The following SMYD3 variants were observed in gnomAD, a reference collection of about 807,000 sequenced individuals.
The protein encoded by SMYD3 is SET and MYND domain containing 3.
A neutral mutation model predicts 57.7 loss-of-function variants in SMYD3; 36 were observed. The ratio of observed to expected loss-of-function variants is 0.62; its 90% confidence interval spans 0.48 to 0.82. The LOEUF (loss-of-function observed/expected upper bound fraction) is 0.82. Among genes scored for constraint, SMYD3 ranks in the 40% least tolerant of loss-of-function variants. The pLI is 0.00. For missense variants in SMYD3, 515 were observed against 538.8 expected (o/e 0.96, Z 0.44); for synonymous variants, 211 against 195.0 (o/e 1.08, Z -0.68).
At chr1:246,427,649 A>C (rs1453303697) in intron 1 of SMYD3, among the ~76,000 whole-genome samples, 2 of 152,232 alleles carry the variant, frequency 1.3e-5, no homozygotes, top group African/African-American at 4.8e-5. Flanking sequence ...GGATCACTTG[A>C]GCCCAGGAGT....
intron 5 of SMYD3, among the ~76,000 whole-genome samples, chr1:245,971,715 A>T (rs1193207947): frequency 6.6e-6 from 1 of 152,090 alleles, no homozygotes; most frequent in East Asian, 1.9e-4. Flanking sequence ...CAGTCACTCA[A>T]TTCATGGTTG....
chr1:246,283,883 G>T (rs913519992), intron 5 of SMYD3, among the ~76,000 whole-genome samples: 1 of 152,032 alleles, frequency 6.6e-6, no homozygotes. Flanking sequence ...ACAACCTTCA[G>T]GTACACCATT....
At chr1:245,959,592 TAA>T (rs1224478987) in intron 5 of SMYD3, among the ~76,000 whole-genome samples, 6 of 152,230 alleles carry the variant, frequency 3.9e-5, no homozygotes, top group African/African-American at 1.4e-4. Context: ...CTTCCAGTGC[TAA>T]GAGAATTGCC....
intron 1 of SMYD3, among the ~76,000 whole-genome samples, chr1:246,373,146 T>C (rs2066217775): frequency 6.6e-6 from 1 of 152,222 alleles, no homozygotes; most frequent in Non-Finnish European, 1.5e-5. Flanking sequence ...TATTGATTTT[T>C]TTCTTTAAAT....
chr1:246,327,194 CACTT>C lies in SMYD3; in HGVS notation c.531+3_531+6del. 1 of 1,613,916 alleles carries C rather than the reference CACTT, an allele frequency of 6.2e-7. No homozygotes were observed. Among genetic ancestry groups the C allele is most frequent in the Non-Finnish European group, 8.5e-7 (1 of 1,179,980 alleles). On this transcript the variant is annotated splice_donor_5th_base_variant and intron_variant, in intron 5 of 11. Transcript: ENST00000490107. ...TGGAATTAGCAAAGAGCAAACTTAACACTTACTTTTGCAAAGGCTTCAAAAAGGT... is the reference window on the plus strand; with the variant it reads ...TGGAATTAGCAAAGAGCAAACTTAACACTTTTGCAAAGGCTTCAAAAAGGT...
At chr1:245,861,879 CTTCT>C (rs2051567919) in intron 9 of SMYD3, among the ~76,000 whole-genome samples, 1 of 36,594 alleles carries the variant, frequency 2.7e-5, no homozygotes, top group Non-Finnish European at 1.9e-4. Flanking sequence ...TGTCTTCTAA[CTTCT>C]GTCTGAACCA....
rs530945258 is a variant in SMYD3 at position 246,480,013 on chromosome 1, T to G, written c.164+27041A>C. Among the ~76,000 whole-genome samples, 14 of 152,358 alleles carry G rather than the reference T, an allele frequency of 9.2e-5. No homozygotes were observed. The East Asian group carries it at 2.3e-3, about 25-fold the overall frequency. ...GGTCAGAAACTACTCCCCCGACCCT[T>G]GTTTGGATTCAGCCTGTGTATTTTT... On this transcript the variant is annotated intron_variant, in intron 1 of 11. Coordinates refer to ENST00000490107, the MANE Select transcript of SMYD3 (RefSeq NM_001167740.2).
intron 5 of SMYD3, among the ~76,000 whole-genome samples, chr1:246,057,756 C>T (rs562819608): frequency 3.2e-4 from 49 of 152,122 alleles, no homozygotes; most frequent in Non-Finnish European, 6.5e-4. Context: ...TTGTTATTTA[C>T]CCAAAGGAGT....
At chr1:246,243,921 C>T (rs571428798) in intron 5 of SMYD3, among the ~76,000 whole-genome samples, 8 of 131,586 alleles carry the variant, frequency 6.1e-5, no homozygotes, top group African/African-American at 2.2e-4. Context: ...AAAAGCCAAC[C>T]AATCTTTGTT....
chr1:246,120,511 T>G lies in SMYD3; in HGVS notation c.532-190574A>C, dbSNP rs146653615. 1.8e-3 allele frequency among the ~76,000 whole-genome samples: 269 copies of G among 152,208 alleles called. 2 individuals carry two copies. Among genetic ancestry groups the G allele is most frequent in the African/African-American group, 6.2e-3 (256 of 41,552 alleles). ...TCTCCTCTTCAGTCTTTCTCCTCCT[T>G]CCACAGCATCCCATTCACAGTTTCT... On this transcript the variant is annotated intron_variant, in intron 5 of 11. Transcript: ENST00000490107.
intron 10 of SMYD3, among the ~76,000 whole-genome samples, chr1:245,857,193 G>A (rs147974105): frequency 1.1e-3 from 171 of 152,280 alleles, no homozygotes; most frequent in African/African-American, 3.8e-3. Context: ...CAGAAGTCCC[G>A]AAAACATGCT....
intron 5 of SMYD3, among the ~76,000 whole-genome samples, chr1:246,093,809 A>G (rs2060863796): frequency 6.6e-6 from 1 of 152,202 alleles, no homozygotes; most frequent in Non-Finnish European, 1.5e-5. Context: ...ATAAAATTTT[A>G]AAATGGTAAC....
chr1:246,288,062 C>CTTTTTT (rs67603439), intron 5 of SMYD3, among the ~76,000 whole-genome samples: 977 of 64,216 alleles, frequency 0.015, 103 homozygotes, highest in Non-Finnish European at 0.021. Flanking sequence ...TCAGGTAATT[C>CTTTTTT]TTTTTTTTTT....
chr1:246,123,571 A>AACACACACACACACACAC (rs557543331), intron 5 of SMYD3, among the ~76,000 whole-genome samples: 3 of 129,488 alleles, frequency 2.3e-5, no homozygotes, highest in Non-Finnish European at 3.3e-5. Flanking sequence ...TCCATCTCAA[A>AACACACACACACACACAC]ACACACACAC....
Position 246,215,280 on chromosome 1 carries a change from T to C in SMYD3, c.531+111921A>G, listed in dbSNP as rs1275161493. ...TTGTCATGGGGCAGGTGCAGGAAAA[T>C]ATAAAATATACATATTTAAAATCCT... On this transcript the variant is annotated intron_variant, in intron 5 of 11. Coordinates refer to ENST00000490107, the MANE Select transcript of SMYD3 (RefSeq NM_001167740.2). 2.0e-5 allele frequency among the ~76,000 whole-genome samples: 3 copies of C among 152,098 alleles called. No individual in the cohort carries two copies. In the East Asian group the frequency reaches 5.8e-4, roughly 29 times the overall value.
At chr1:245,909,110 G>C (rs1365247525) in intron 8 of SMYD3, among the ~76,000 whole-genome samples, 1 of 152,026 alleles carries the variant, frequency 6.6e-6, no homozygotes, top group East Asian at 1.9e-4. Context: ...AAATCAGTGA[G>C]GAAAAAGGGG....
At chr1:245,964,404 T>C (rs984604773) in intron 5 of SMYD3, among the ~76,000 whole-genome samples, 1 of 152,178 alleles carries the variant, frequency 6.6e-6, no homozygotes, top group Non-Finnish European at 1.5e-5. Flanking sequence ...TTCACAATTC[T>C]TTTTACCCAG....
At position 245,852,826 on chromosome 1, in the gene SMYD3, A is replaced by G. The variant is rs529064966; in HGVS notation, c.1076+5670T>C. ...ACGGACCCTTCGCCCATCACTGTGCAGGTGATCACGGCCCCAGTGTCCCAG... is the reference window on the plus strand; with the variant it reads ...ACGGACCCTTCGCCCATCACTGTGCGGGTGATCACGGCCCCAGTGTCCCAG... On this transcript the variant is annotated intron_variant, in intron 10 of 11. Coordinates refer to ENST00000490107, the MANE Select transcript of SMYD3 (RefSeq NM_001167740.2). Among the ~76,000 whole-genome samples, 52 of 152,320 alleles carry G rather than the reference A, an allele frequency of 3.4e-4. No homozygotes were observed. The Middle Eastern group carries it at 0.01, about 30-fold the overall frequency.
At chr1:246,025,042 A>G (rs2059550323) in intron 5 of SMYD3, among the ~76,000 whole-genome samples, 1 of 151,658 alleles carries the variant, frequency 6.6e-6, no homozygotes, top group Non-Finnish European at 1.5e-5. Context: ...GCATCTAGGA[A>G]GAGAGATACA....
Sources: allele counts gnomAD v4.1 joint callset (sites outside exome capture counted in the v4.1 genomes callset), GRCh38; gene constraint gnomAD v4.1.1; transcripts MANE v1.5; gene names NCBI Gene and HGNC (gene_info 2026-07-23, HGNC 2026-07-21).